The following PPFIA2 variants were observed in gnomAD, a reference collection of about 807,000 sequenced individuals.
PPFIA2 encodes PPFI scaffold protein A2, also known as liprin-alpha-2.
A neutral mutation model predicts 175.5 loss-of-function variants in PPFIA2; 46 were observed. The ratio of observed to expected loss-of-function variants is 0.26; its 90% CI spans 0.21 to 0.34. PPFIA2 has a LOEUF of 0.34. Among genes scored for constraint, PPFIA2 ranks in the 10% least tolerant of loss-of-function variants. The probability of loss-of-function intolerance (pLI) is 1.00; values close to 1 mark genes in which losing one functional copy is unlikely to be tolerated. For synonymous variants in PPFIA2, 568 were observed against 511.4 expected, an observed-to-expected ratio of 1.11 and a Z score of -1.49; for missense variants, 1,179 against 1,506.1, an observed-to-expected ratio of 0.78 and a Z score of 3.60.
chr12:81,351,380 TCG>T (rs72045389), intron 17 of PPFIA2, among the ~76,000 whole-genome samples: 4,533 of 152,202 alleles, frequency 0.03, 212 homozygotes, highest in African/African-American at 0.1. Context: ...TAGAAAATGT[TCG>T]CACATATGTC....
At chr12:81,464,812 A>C (rs983557759) in intron 4 of PPFIA2, among the ~76,000 whole-genome samples, 8 of 151,758 alleles carry the variant, frequency 5.3e-5, no homozygotes, top group African/African-American at 1.9e-4. Flanking sequence ...ACAGACACAG[A>C]GCATTCTATT....
intron 4 of PPFIA2, among the ~76,000 whole-genome samples, chr12:81,598,707 C>T (rs777335297): frequency 9.6e-4 from 146 of 151,502 alleles, no homozygotes; most frequent in South Asian, 1.0e-3. Context: ...TTACAGCTGG[C>T]CCGGATATTG....
intron 5 of PPFIA2, among the ~76,000 whole-genome samples, chr12:81,448,161 C>T (rs995132286): frequency 7.9e-5 from 12 of 152,158 alleles, no homozygotes; most frequent in Admixed American, 6.6e-4. Context: ...TAAAGGATAT[C>T]TGTTATTAGA....
At chr12:81,616,631 T>A (rs768925688) in intron 4 of PPFIA2, among the ~76,000 whole-genome samples, 1 of 152,242 alleles carries the variant, frequency 6.6e-6, no homozygotes, top group Non-Finnish European at 1.5e-5. Flanking sequence ...GAATTAAATT[T>A]ATTACATCAT....
At position 81,532,488 on chromosome 12, in the gene PPFIA2, T is replaced by C. The variant is rs1343691039; in HGVS notation, c.304-74622A>G. Among the ~76,000 whole-genome samples the C allele has an allele frequency of 3.3e-5, 5 of 151,778 alleles. No homozygotes were observed. The East Asian group carries it at 9.7e-4, about 29-fold the overall frequency. On this transcript the variant is annotated intron_variant, in intron 4 of 32. Coordinates refer to ENST00000549396, the MANE Select transcript of PPFIA2 (RefSeq NM_003625.5). Reference sequence around the variant, plus strand: ...TCAAAGCTTTACAATTTACTGTCTGTTCTTGATCTAGTTTACATGGGTTCC... The same window carrying C: ...TCAAAGCTTTACAATTTACTGTCTGCTCTTGATCTAGTTTACATGGGTTCC...
intron 4 of PPFIA2, among the ~76,000 whole-genome samples, chr12:81,643,128 T>C (rs1302713801): frequency 6.7e-6 from 1 of 150,280 alleles, no homozygotes; most frequent in Non-Finnish European, 1.5e-5. Context: ...TCTTAAAACA[T>C]ATATATCCAA....
intron 3 of PPFIA2, among the ~76,000 whole-genome samples, chr12:81,741,634 GAT>G (rs1491557165): frequency 5.5e-4 from 19 of 34,820 alleles, no homozygotes; most frequent in African/African-American, 2.1e-3. Context: ...TTTTTTTGGT[GAT>G]TTTTTTTTTT....
intron 4 of PPFIA2, among the ~76,000 whole-genome samples, chr12:81,629,742 T>C (rs1323330910): frequency 6.6e-6 from 1 of 152,162 alleles, no homozygotes; most frequent in African/African-American, 2.4e-5. Flanking sequence ...CCCTACATGG[T>C]CCCACTAGGC....
chr12:81,693,164 G>A (rs931263945), intron 3 of PPFIA2, among the ~76,000 whole-genome samples: 2 of 152,054 alleles, frequency 1.3e-5, no homozygotes, highest in Non-Finnish European at 2.9e-5. Flanking sequence ...TTTTCAGGAA[G>A]CATTATAAAG....
intron 4 of PPFIA2, among the ~76,000 whole-genome samples, chr12:81,550,435 G>T (rs1359481088): frequency 6.6e-6 from 1 of 151,960 alleles, no homozygotes; most frequent in Non-Finnish European, 1.5e-5. Flanking sequence ...CTTTGACAGG[G>T]TATGTATAGA....
chr12:81,699,067 C>A (rs2076210674), intron 3 of PPFIA2, among the ~76,000 whole-genome samples: 1 of 151,950 alleles, frequency 6.6e-6, no homozygotes, highest in Admixed American at 6.6e-5. Context: ...TTAGGCCATG[C>A]ATCTATTATA....
intron 31 of PPFIA2, 42 bp from the exon 32 acceptor site, chr12:81,262,082 G>C (rs2272501): frequency 0.49 from 645,289 of 1,320,082 alleles, 162,291 homozygotes; most frequent in Non-Finnish European, 0.53. Flanking sequence ...TTGGATGATT[G>C]AGTACAAGAT....
intron 8 of PPFIA2, among the ~76,000 whole-genome samples, chr12:81,387,743 A>C (rs2039298115): frequency 6.6e-6 from 1 of 152,042 alleles, no homozygotes; most frequent in African/African-American, 2.4e-5. Flanking sequence ...AGTTATCTCA[A>C]ATTTGGAAAT....
At chr12:81,292,070 G>T (rs901701141) in intron 24 of PPFIA2, among the ~76,000 whole-genome samples, 1 of 151,898 alleles carries the variant, frequency 6.6e-6, no homozygotes, top group Non-Finnish European at 1.5e-5. Flanking sequence ...ATTCCCTATT[G>T]TTCATTAAGA....
intron 4 of PPFIA2, among the ~76,000 whole-genome samples, chr12:81,600,269 C>T (rs2059655703): frequency 6.6e-6 from 1 of 151,888 alleles, no homozygotes; most frequent in African/African-American, 2.4e-5. Context: ...ACTTACTTTA[C>T]ACTCTGGTTT....
chr12:81,299,278 G>A (rs765885964), intron 23 of PPFIA2, 23 bp downstream of exon 23: 3 of 1,571,084 alleles, frequency 1.9e-6, no homozygotes, highest in Non-Finnish European at 2.6e-6. Context: ...TGATTCAAGG[G>A]CCTCCTAGTT....
intron 24 of PPFIA2, chr12:81,294,439 T>TAGGAAGGA (rs141474237): frequency 0.025 from 2,889 of 116,624 alleles, 76 homozygotes; most frequent in East Asian, 0.062. Context: ...GGAAGGTAGG[T>TAGGAAGGA]AGGAAGGAAG....
At chr12:81,421,269 G>T (rs1247591479) in intron 7 of PPFIA2, among the ~76,000 whole-genome samples, 1 of 151,972 alleles carries the variant, frequency 6.6e-6, no homozygotes, top group Non-Finnish European at 1.5e-5. Flanking sequence ...AGAAATGGAG[G>T]TTAAAGTAAC....
At chr12:81,579,262 G>A (rs1473386692) in intron 4 of PPFIA2, among the ~76,000 whole-genome samples, 2 of 151,758 alleles carry the variant, frequency 1.3e-5, no homozygotes, top group Admixed American at 6.6e-5. Flanking sequence ...TTGTGTACTC[G>A]AGGAATAGCA....
Sources: gnomAD v4.1 joint callset for allele counts (sites outside exome capture counted in the v4.1 genomes callset) on GRCh38, gnomAD v4.1.1 for gene constraint, MANE v1.5 for transcripts, NCBI Gene and HGNC (gene_info 2026-07-23, HGNC 2026-07-21) for gene names.